Variants in KCNJ3 observed in about 807,000 individuals in gnomAD.
KCNJ3 encodes the protein potassium inwardly rectifying channel subfamily J member 3.
KCNJ3 carries 4 observed loss-of-function variants against 39.2 expected under a neutral mutation model. The ratio of observed to expected loss-of-function variants is 0.10; its 90% CI spans 0.05 to 0.23. The LOEUF (loss-of-function observed/expected upper bound fraction) is 0.23, where lower values mean the gene tolerates loss of function less well. KCNJ3 is among the 10% of genes least tolerant of loss of function. The pLI is 1.00. For missense variants in KCNJ3, 276 were observed against 634.9 expected (o/e 0.43, Z 6.08); for synonymous variants, 230 against 237.4 (o/e 0.97, Z 0.29).
intron 2 of KCNJ3, among the ~76,000 whole-genome samples, chr2:154,847,828 T>C (rs886209097): frequency 6.6e-6 from 1 of 152,194 alleles, no homozygotes; most frequent in Admixed American, 6.6e-5. Flanking sequence ...TATTAATTAC[T>C]GGTGGAGCTG....
At chr2:154,837,173 A>AT (rs1023514332) in intron 2 of KCNJ3, among the ~76,000 whole-genome samples, 1 of 152,208 alleles carries the variant, frequency 6.6e-6, no homozygotes, top group Non-Finnish European at 1.5e-5. Flanking sequence ...CTAGATATGC[A>AT]TCTATCTGTG....
At chr2:154,830,197 C>T (rs1232482846) in intron 2 of KCNJ3, among the ~76,000 whole-genome samples, 1 of 152,184 alleles carries the variant, frequency 6.6e-6, no homozygotes, top group African/African-American at 2.4e-5. Flanking sequence ...TATGTTTCCT[C>T]AGGCTTCTCC....
At chr2:154,818,901 G>A (rs1687123140) in intron 2 of KCNJ3, among the ~76,000 whole-genome samples, 1 of 132,382 alleles carries the variant, frequency 7.6e-6, no homozygotes, top group African/African-American at 2.8e-5. Flanking sequence ...TAGAGCTTGA[G>A]CTGTAGCTGC....
chr2:154,703,584 A>G (rs1327173850), intron 1 of KCNJ3, among the ~76,000 whole-genome samples: 1 of 151,922 alleles, frequency 6.6e-6, no homozygotes, highest in African/African-American at 2.4e-5. Flanking sequence ...TATCAAGTGC[A>G]GATGCAATAA....
At chr2:154,758,956 C>T (rs1262856468) in intron 2 of KCNJ3, among the ~76,000 whole-genome samples, 1 of 152,132 alleles carries the variant, frequency 6.6e-6, no homozygotes, top group Non-Finnish European at 1.5e-5. Flanking sequence ...TTCAAGTTTG[C>T]TTCTCAGGCT....
chr2:154,791,182 C>T (rs962787386), intron 2 of KCNJ3, among the ~76,000 whole-genome samples: 12 of 151,946 alleles, frequency 7.9e-5, no homozygotes, highest in African/African-American at 2.9e-4. Context: ...AGATTAGAGT[C>T]TTAGTGGCTT....
At chr2:154,790,410 T>C (rs1324545713) in intron 2 of KCNJ3, among the ~76,000 whole-genome samples, 1 of 152,072 alleles carries the variant, frequency 6.6e-6, no homozygotes, top group Non-Finnish European at 1.5e-5. Flanking sequence ...TTCAATCATC[T>C]CTTCCCCTTG....
chr2:154,752,986 T>G (rs1441381332), intron 2 of KCNJ3, among the ~76,000 whole-genome samples: 1 of 152,094 alleles, frequency 6.6e-6, no homozygotes, highest in South Asian at 2.1e-4. Context: ...ATTATATTGA[T>G]CAATCTTTAG....
chr2:154,777,045 C>CACAT (rs1199491573), intron 2 of KCNJ3, among the ~76,000 whole-genome samples: 1 of 151,406 alleles, frequency 6.6e-6, no homozygotes, highest in Admixed American at 6.6e-5. Context: ...TACACACGCA[C>CACAT]ACACACACAC....
At chr2:154,750,112 A>G (rs562463062) in intron 2 of KCNJ3, among the ~76,000 whole-genome samples, 2 of 152,138 alleles carry the variant, frequency 1.3e-5, no homozygotes, top group Admixed American at 6.6e-5. Context: ...TCCAGAAGTT[A>G]TATTTTTTCT....
At chr2:154,738,861 A>T (rs764841866) in intron 2 of KCNJ3, among the ~76,000 whole-genome samples, 8 of 152,206 alleles carry the variant, frequency 5.3e-5, no homozygotes, top group Non-Finnish European at 8.8e-5. Flanking sequence ...AAAGCTCCAC[A>T]TCGTGAAAAA....
chr2:154,820,399 T>G (rs1379000884), intron 2 of KCNJ3, among the ~76,000 whole-genome samples: 5 of 152,226 alleles, frequency 3.3e-5, no homozygotes, highest in African/African-American at 1.2e-4. Context: ...TGATTCAGTG[T>G]CATCATTTTT....
intron 2 of KCNJ3, among the ~76,000 whole-genome samples, chr2:154,842,898 C>T (rs186252451): frequency 2.0e-5 from 3 of 152,126 alleles, no homozygotes; most frequent in Admixed American, 2.0e-4. Flanking sequence ...TCCAACTTGC[C>T]GGTCTGTATC....
At position 154,709,711 on chromosome 2, in the gene KCNJ3, T is replaced by A. The variant is rs758872840; in HGVS notation, c.811T>A (p.Cys271Ser). 1 of 1,614,004 alleles carries A rather than the reference T, an allele frequency of 6.2e-7. No individual in the cohort carries two copies. Among genetic ancestry groups the A allele is most frequent in the South Asian group, 1.1e-5 (1 of 91,078 alleles). Reference protein sequence around the residue: ...QLFLVSPLTICHVIDAKSPFY... With the variant: ...QLFLVSPLTISHVIDAKSPFY... ...TTTTCTTGTGTCCCCCCTCACAATT[T>A]GCCACGTGATCGATGCCAAAAGCCC... The change falls in exon 2 of 3, where the codon TGC (cysteine) becomes AGC (serine). Residue 271 changes from cysteine (C) to serine (S), a missense_variant. By Grantham distance (112) the Cys-to-Ser change is moderately radical (BLOSUM62 -1). Coordinates refer to ENST00000295101, the MANE Select transcript of KCNJ3 (RefSeq NM_002239.4).
intron 2 of KCNJ3, among the ~76,000 whole-genome samples, chr2:154,773,536 A>G (rs1162966609): frequency 6.6e-6 from 1 of 152,146 alleles, no homozygotes; most frequent in Non-Finnish European, 1.5e-5. Flanking sequence ...ATTTAGTTCC[A>G]TGGTGCTGCC....
At chr2:154,703,639 A>G (rs1444095654) in intron 1 of KCNJ3, among the ~76,000 whole-genome samples, 1 of 152,034 alleles carries the variant, frequency 6.6e-6, no homozygotes, top group Non-Finnish European at 1.5e-5. Context: ...ACATTTTGCT[A>G]ATCTAACCAC....
At chr2:154,714,375 A>G (rs929405329) in intron 2 of KCNJ3, among the ~76,000 whole-genome samples, 9 of 151,724 alleles carry the variant, frequency 5.9e-5, no homozygotes, top group African/African-American at 2.2e-4. Context: ...ATATTTTTCA[A>G]TTGTTCCATA....
intron 2 of KCNJ3, among the ~76,000 whole-genome samples, chr2:154,777,619 A>C (rs957194849): frequency 6.6e-6 from 1 of 152,214 alleles, no homozygotes; most frequent in Non-Finnish European, 1.5e-5. Flanking sequence ...TAGTTGAATC[A>C]ATAACTTCTT....
chr2:154,830,502 A>C (rs938682959), intron 2 of KCNJ3, among the ~76,000 whole-genome samples: 6 of 152,192 alleles, frequency 3.9e-5, no homozygotes, highest in African/African-American at 1.4e-4. Flanking sequence ...AATTGCATTA[A>C]GATGCGCTTC....
Sources: allele counts gnomAD v4.1 joint callset (sites outside exome capture counted in the v4.1 genomes callset), GRCh38; gene constraint gnomAD v4.1.1; transcripts MANE v1.5; gene names NCBI Gene and HGNC (gene_info 2026-07-23, HGNC 2026-07-21).